Variants in NPR3 observed in about 807,000 individuals in gnomAD.
NPR3 encodes natriuretic peptide receptor 3.
A neutral mutation model predicts 54.5 loss-of-function variants in NPR3; 34 were observed. The ratio of observed to expected loss-of-function variants is 0.62; its 90% confidence interval spans 0.47 to 0.83. The LOEUF (loss-of-function observed/expected upper bound fraction) is 0.83, where lower values mean the gene tolerates loss of function less well. Ranked by LOEUF, NPR3 falls within the 40% of genes least tolerant of loss-of-function variation. The pLI is 0.00. For missense variants in NPR3, 674 were observed against 720.8 expected (o/e 0.94, Z 0.74); for synonymous variants, 289 against 297.1 (o/e 0.97, Z 0.28).
intron 3 of NPR3, among the ~76,000 whole-genome samples, chr5:32,768,819 T>A (rs1264508992): frequency 6.6e-6 from 1 of 152,076 alleles, no homozygotes; most frequent in African/African-American, 2.4e-5. Flanking sequence ...AAAACTTAGG[T>A]CAGATCCCAC....
chr5:32,784,045 TG>T (rs768643528), intron 6 of NPR3, among the ~76,000 whole-genome samples: 4 of 152,248 alleles, frequency 2.6e-5, no homozygotes, highest in Non-Finnish European at 5.9e-5. Flanking sequence ...CATGAAACGC[TG>T]GCTTTGGTGA....
chr5:32,707,438 T>C (rs145024589), upstream of NPR3, among the ~76,000 whole-genome samples: 1 of 152,352 alleles, frequency 6.6e-6, no homozygotes, highest in East Asian at 1.9e-4. Context: ...TTTAATTTTT[T>C]GGCATCCATT....
In NPR3 at chr5:32,712,367, G is replaced by C; in HGVS notation, c.591G>C (p.Trp197Cys). Residue 197 changes from tryptophan to cysteine, a missense_variant, in exon 1 of 8, where the codon TGG becomes TGC. Transcript: ENST00000265074. ...TCGCCCTGTTCCGCCACCACCACTG[G>C]AGCCGCGCTGCACTGGTCTACAGCG... ...MMLALFRHHHWSRAALVYSDD... is the reference protein window; with the variant it reads ...MMLALFRHHHCSRAALVYSDD... The C allele has an allele frequency of 1.2e-6, 2 of 1,612,900 alleles. No homozygotes were observed. Among genetic ancestry groups the C allele is most frequent in the Non-Finnish European group, 1.7e-6 (2 of 1,179,270 alleles).
At chr5:32,716,259 G>C (rs1485058478) in intron 1 of NPR3, 18 of 316,666 alleles carry the variant, frequency 5.7e-5, no homozygotes, top group Non-Finnish European at 2.5e-5. Context: ...AACTACACAA[G>C]GTTTATGAGG....
chr5:32,765,991 C>T (rs1173733), intron 3 of NPR3, among the ~76,000 whole-genome samples: 4 of 152,018 alleles, frequency 2.6e-5, no homozygotes, highest in South Asian at 4.1e-4. Context: ...GTAGGGGTTG[C>T]GGGGGGAACT....
At chr5:32,702,946 T>C (rs550062776) in intron 1 of NPR3, among the ~76,000 whole-genome samples, 82 of 152,322 alleles carry the variant, frequency 5.4e-4, no homozygotes, top group African/African-American at 1.9e-3. Flanking sequence ...TTTTTAATGA[T>C]TGCCATTCTA....
chr5:32,724,894 T>C lies in NPR3; in HGVS notation c.892+74T>C. On this transcript the variant is annotated intron_variant, in intron 2 of 7. Coordinates refer to ENST00000265074, the MANE Select transcript of NPR3 (RefSeq NM_001204375.2). The stretch of plus-strand genomic sequence containing the variant: ...TTGTCAGATGCCCATGAATGGTGGG[T>C]TGGATAAATAATATGTGGTACATAA... 12 of 1,538,540 alleles carry C rather than the reference T, an allele frequency of 7.8e-6. No individual in the cohort carries two copies. In the South Asian group the frequency reaches 1.2e-4, roughly 16 times the overall value.
At chr5:32,723,991 T>C (rs543788941) in intron 1 of NPR3, among the ~76,000 whole-genome samples, 69 of 152,260 alleles carry the variant, frequency 4.5e-4, no homozygotes, top group African/African-American at 1.6e-3. Context: ...ATAATACTTG[T>C]TATGAACCAT....
At chr5:32,767,976 C>A (rs1289689898) in intron 3 of NPR3, among the ~76,000 whole-genome samples, 2 of 152,202 alleles carry the variant, frequency 1.3e-5, no homozygotes, top group African/African-American at 2.4e-5. Flanking sequence ...CCTGCCTCCA[C>A]CTCCGTTTGA....
chr5:32,749,722 T>C (rs947392950), intron 3 of NPR3, among the ~76,000 whole-genome samples: 2 of 152,182 alleles, frequency 1.3e-5, no homozygotes, highest in African/African-American at 4.8e-5. Flanking sequence ...ACTTATTACT[T>C]AAACCCAATT....
intron 2 of NPR3, among the ~76,000 whole-genome samples, chr5:32,735,603 G>A (rs1403313914): frequency 6.6e-6 from 1 of 152,048 alleles, no homozygotes; most frequent in Admixed American, 6.5e-5. Flanking sequence ...GATTACTGCG[G>A]CTGTGAACGC....
intron 3 of NPR3, among the ~76,000 whole-genome samples, chr5:32,745,720 G>C (rs143326832): frequency 6.6e-6 from 1 of 152,298 alleles, no homozygotes; most frequent in East Asian, 1.9e-4. Flanking sequence ...ATACACACTT[G>C]TAAGATACCG....
chr5:32,745,160 C>G (rs1389365885), intron 3 of NPR3, among the ~76,000 whole-genome samples: 1 of 152,112 alleles, frequency 6.6e-6, no homozygotes, highest in Non-Finnish European at 1.5e-5. Context: ...GTACACAAAG[C>G]GAAGTATTCA....
intron 3 of NPR3, among the ~76,000 whole-genome samples, chr5:32,765,925 T>C (rs1741426071): frequency 6.6e-6 from 1 of 152,174 alleles, no homozygotes; most frequent in African/African-American, 2.4e-5. Context: ...TGACCTTCCC[T>C]AGACCAGAAG....
chr5:32,774,767 T>A lies in NPR3; in HGVS notation c.1119T>A (p.His373Gln), dbSNP rs572522805. 26 of 1,602,628 alleles carry A rather than the reference T, an allele frequency of 1.6e-5. No individual in the cohort carries two copies. The highest frequency in any genetic ancestry group is 2.7e-5 in the African/African-American group (2 of 74,762). ...TCCTCCTCTACGTCTTGGCTCTACA[T>A]GAAGTACTCAGAGCTGGTTACAGCA... ...DAILLYVLAL[H>Q]EVLRAGYSKK... The change falls in exon 4 of 8, where the codon CAT becomes CAA. Residue 373 changes from histidine to glutamine, a missense_variant. Physicochemically the swap from His to Gln is conservative, Grantham distance 24. Coordinates refer to ENST00000265074, the MANE Select transcript of NPR3 (RefSeq NM_001204375.2).
At chr5:32,768,292 TTG>T (rs1741582294) in intron 3 of NPR3, among the ~76,000 whole-genome samples, 1 of 152,150 alleles carries the variant, frequency 6.6e-6, no homozygotes, top group African/African-American at 2.4e-5. Flanking sequence ...CCAGGAACGA[TTG>T]TGTCATTATG....
chr5:32,711,739 G>C lies in NPR3; in HGVS notation c.-38G>C. On this transcript the variant is annotated 5_prime_UTR_variant, in exon 1 of 8. Coordinates refer to ENST00000265074, the MANE Select transcript of NPR3 (RefSeq NM_001204375.2). ...AGGGTGGGTGGGGGGCAGAGGGCGA[G>C]TCGGCGGCGGCGAGGGCAAGCTCTT... The C allele has an allele frequency of 7.1e-7, 1 of 1,412,796 alleles. No homozygotes were observed. Among genetic ancestry groups the C allele is most frequent in the Non-Finnish European group, 9.2e-7 (1 of 1,084,460 alleles). The allele number at this position is 1,412,796 out of a possible 1,614,324, so 87.5% of individuals were successfully genotyped here. A position where few individuals can be genotyped will look rare whatever the true frequency, so the allele number is the denominator to read the frequency against.
chr5:32,756,749 A>C (rs2111998693), intron 3 of NPR3, among the ~76,000 whole-genome samples: 1 of 152,304 alleles, frequency 6.6e-6, no homozygotes, highest in Non-Finnish European at 1.5e-5. Context: ...CTAACATTTA[A>C]GTCTTTAATC....
intron 4 of NPR3, among the ~76,000 whole-genome samples, chr5:32,779,049 T>TC (rs1364331015): frequency 1.3e-5 from 2 of 152,326 alleles, no homozygotes; most frequent in Middle Eastern, 3.4e-3. Context: ...AATGGTAGCT[T>TC]CCATTCTGTT....
Sources: allele counts gnomAD v4.1 joint callset (sites outside exome capture counted in the v4.1 genomes callset), GRCh38; gene constraint gnomAD v4.1.1; transcripts MANE v1.5; gene names NCBI Gene and HGNC (gene_info 2026-07-23, HGNC 2026-07-21).